The following PAM variants were observed in gnomAD, a reference collection of about 807,000 sequenced individuals.
The protein encoded by PAM is peptidylglycine alpha-amidating monooxygenase.
In PAM, 72 loss-of-function variants were observed where a neutral mutation model predicts 122.1. The ratio of observed to expected loss-of-function variants is 0.59; its 90% CI spans 0.49 to 0.72. The LOEUF (loss-of-function observed/expected upper bound fraction) is 0.72, where lower values mean the gene tolerates loss of function less well. Ranked by LOEUF, PAM falls within the 30% of genes least tolerant of loss-of-function variation. The probability of loss-of-function intolerance (pLI) is 0.00; values close to 1 mark genes in which losing one functional copy is unlikely to be tolerated. For missense variants in PAM, 1,106 were observed against 1,183.7 expected (o/e 0.93, Z 0.96); for synonymous variants, 389 against 404.4 (o/e 0.96, Z 0.46).
chr5:102,774,161 C>T (rs184349180), intron 1 of PAM, among the ~76,000 whole-genome samples: 98 of 152,162 alleles, frequency 6.4e-4, no homozygotes, highest in Admixed American at 3.9e-3. Flanking sequence ...GTGAATAGCG[C>T]TGCAGTGAAC....
intron 1 of PAM, among the ~76,000 whole-genome samples, chr5:102,763,472 C>T (rs1202898194): frequency 1.3e-5 from 2 of 151,766 alleles, no homozygotes; most frequent in African/African-American, 4.8e-5. Context: ...GAAGACAATC[C>T]CTAATAAAAT....
intron 4 of PAM, among the ~76,000 whole-genome samples, chr5:102,903,875 AATT>A (rs754601160): frequency 3.3e-5 from 5 of 151,510 alleles, no homozygotes; most frequent in African/African-American, 4.8e-5. Context: ...CATCAAATAC[AATT>A]ATTCTTTCAT....
At chr5:102,968,007 G>A (rs1448691482) in intron 14 of PAM, among the ~76,000 whole-genome samples, 1 of 152,086 alleles carries the variant, frequency 6.6e-6, no homozygotes, top group Non-Finnish European at 1.5e-5. Context: ...ACAGGCATGA[G>A]CCACAGTGCC....
chr5:102,898,316 T>G (rs901605868), intron 3 of PAM, among the ~76,000 whole-genome samples: 1 of 151,508 alleles, frequency 6.6e-6, no homozygotes, highest in African/African-American at 2.4e-5. Flanking sequence ...GACAGTCCCC[T>G]GGCACCAAGC....
At position 102,805,425 on chromosome 5, in the gene PAM, T is replaced by G. The variant is rs190369992; in HGVS notation, c.-374+50077T>G. On this transcript the variant is annotated intron_variant, in intron 1 of 25. Coordinates refer to ENST00000438793, the MANE Select transcript of PAM (RefSeq NM_001177306.2). ...CAGTTTGAGAATTTACACTATTGTT[T>G]GGATGTCTTTGAAGTCTTAGGATCC... Among the ~76,000 whole-genome samples, 1,468 of 152,290 alleles carry G rather than the reference T, an allele frequency of 9.6e-3. 6 individuals are homozygous for G. Among genetic ancestry groups the G allele is most frequent in the Non-Finnish European group, 0.014 (984 of 68,022 alleles).
intron 7 of PAM, among the ~76,000 whole-genome samples, chr5:102,928,397 AATT>A (rs1336451676): frequency 6.6e-6 from 1 of 152,216 alleles, no homozygotes; most frequent in African/African-American, 2.4e-5. Context: ...GTAAACATAT[AATT>A]ATTCTTTGCT....
chr5:103,017,152 CAATGAATG>C (rs1367239920), intron 21 of PAM, among the ~76,000 whole-genome samples, 174 bp from the exon 22 acceptor site: 2 of 152,122 alleles, frequency 1.3e-5, no homozygotes, highest in Non-Finnish European at 2.9e-5. Context: ...AGTCAGTACC[CAATGAATG>C]AATGAATGAA....
chr5:103,004,867 A>G (rs1199200539), intron 17 of PAM, among the ~76,000 whole-genome samples: 1 of 152,198 alleles, frequency 6.6e-6, no homozygotes, highest in African/African-American at 2.4e-5. Flanking sequence ...TTTTAAACTG[A>G]TACTGTTTTC....
At chr5:102,861,195 G>T (rs1223182717) in intron 1 of PAM, among the ~76,000 whole-genome samples, 1 of 152,118 alleles carries the variant, frequency 6.6e-6, no homozygotes, top group African/African-American at 2.4e-5. Context: ...CTGCAGTTCT[G>T]GTTCACATCT....
chr5:102,888,614 G>A (rs575602106), intron 3 of PAM, among the ~76,000 whole-genome samples: 1 of 151,822 alleles, frequency 6.6e-6, no homozygotes, highest in East Asian at 2.0e-4. Context: ...GACTGTCCCT[G>A]CCTCCACCAC....
intron 1 of PAM, among the ~76,000 whole-genome samples, chr5:102,837,157 C>A (rs1777323300): frequency 6.6e-6 from 1 of 152,170 alleles, no homozygotes; most frequent in South Asian, 2.1e-4. Context: ...ATATGCCTCC[C>A]TTTTCTTACT....
chr5:102,925,603 C>G (rs1358936923), intron 6 of PAM, among the ~76,000 whole-genome samples: 1 of 152,114 alleles, frequency 6.6e-6, no homozygotes, highest in Non-Finnish European at 1.5e-5. Context: ...GATACACATG[C>G]ACCTCTCTTT....
intron 1 of PAM, among the ~76,000 whole-genome samples, chr5:102,792,777 T>C (rs1235997107): frequency 6.6e-6 from 1 of 152,190 alleles, no homozygotes; most frequent in Non-Finnish European, 1.5e-5. Context: ...GAATACAGCT[T>C]CAGTTTTTGA....
intron 1 of PAM, among the ~76,000 whole-genome samples, chr5:102,770,899 T>G (rs1222081938): frequency 6.6e-6 from 1 of 151,998 alleles, no homozygotes; most frequent in Non-Finnish European, 1.5e-5. Context: ...AGTTAATAAT[T>G]TCCCCCAAAT....
intron 1 of PAM, among the ~76,000 whole-genome samples, chr5:102,770,111 T>C (rs1279485728): frequency 6.6e-6 from 1 of 152,162 alleles, no homozygotes; most frequent in Non-Finnish European, 1.5e-5. Context: ...ATTTTATTTG[T>C]GGCTTTTTTA....
chr5:102,759,479 T>C (rs74733457), intron 1 of PAM, among the ~76,000 whole-genome samples: 12,404 of 152,178 alleles, frequency 0.082, 1,220 homozygotes, highest in African/African-American at 0.23. Flanking sequence ...TAGATACTCA[T>C]TTCAGCCAAG....
At chr5:102,863,002 A>T (rs450831) in intron 1 of PAM, among the ~76,000 whole-genome samples, 1,659 of 139,430 alleles carry the variant, frequency 0.012, 44 homozygotes, top group Middle Eastern at 0.021. Flanking sequence ...TTTTTTTTTT[A>T]AAAAAAAATG....
intron 1 of PAM, among the ~76,000 whole-genome samples, chr5:102,805,636 C>T (rs762462377): frequency 7.9e-5 from 12 of 151,998 alleles, no homozygotes; most frequent in Admixed American, 1.3e-4. Flanking sequence ...CTCTTGCTGT[C>T]CTTGAGAATC....
chr5:102,997,988 G>C (rs1776228501), intron 16 of PAM, among the ~76,000 whole-genome samples: 1 of 152,214 alleles, frequency 6.6e-6, no homozygotes, highest in Admixed American at 6.5e-5. Context: ...TTTCAGGTCT[G>C]TGACTCTGAG....
Sources: allele counts gnomAD v4.1 joint callset (sites outside exome capture counted in the v4.1 genomes callset), GRCh38; gene constraint gnomAD v4.1.1; transcripts MANE v1.5; gene names NCBI Gene and HGNC (gene_info 2026-07-23, HGNC 2026-07-21).